CCZ1B: variants seen among roughly 807,000 people sequenced by gnomAD.
CCZ1B encodes the protein CCZ1B vacuolar protein trafficking and biogenesis associated, also known as vacuolar fusion protein CCZ1 homolog B.
In CCZ1B, 25 loss-of-function variants were observed where a neutral mutation model predicts 58.8. That is an observed-to-expected ratio of 0.43 (90% confidence interval 0.31 to 0.59). CCZ1B has a LOEUF of 0.59. CCZ1B is among the 20% of genes least tolerant of loss of function. CCZ1B has a pLI of 0.12. For synonymous variants in CCZ1B, 66 were observed against 173.2 expected (o/e 0.38, Z 4.86); for missense variants, 180 against 501.5 (o/e 0.36, Z 6.12).
intron 7 of CCZ1B, 46 bp downstream of exon 7, chr7:6,819,720 T>G (rs1783077353): frequency 3.5e-6 from 4 of 1,150,896 alleles, no homozygotes; most frequent in Non-Finnish European, 4.9e-6. Context: ...GCTGTTTTTA[T>G]TATCTTAATT....
intron 7 of CCZ1B, among the ~76,000 whole-genome samples, chr7:6,817,732 A>T (rs570215008): frequency 6.7e-6 from 1 of 149,856 alleles, no homozygotes; most frequent in Non-Finnish European, 1.5e-5. Context: ...AAGTAGGTGG[A>T]GGCCGGGCAC....
Position 6,820,024 on chromosome 7 carries a change from C to G in CCZ1B, c.523-83G>C, listed in dbSNP as rs535052034. On this transcript the variant is annotated intron_variant, in intron 6 of 14. Coordinates refer to ENST00000316731, the MANE Select transcript of CCZ1B (RefSeq NM_198097.5). ...TTGATAACTGAAAATAATCTTATGT[C>G]AGACTCACATTTATGGTACAATTAC... 47 of 1,262,712 alleles carry G rather than the reference C, an allele frequency of 3.7e-5. No homozygotes were observed. The Admixed American group carries it at 5.0e-4, about 13-fold the overall frequency. 78.2% of individuals were successfully genotyped at this position (1,262,712 alleles called of 1,614,324 possible).
rs779932340 is a variant in CCZ1B, at chr7:6,824,653, C to T, written c.205G>A (p.Val69Ile). The T allele has an allele frequency of 6.2e-7, 1 of 1,612,148 alleles. No individual in the cohort carries two copies. The highest frequency in any genetic ancestry group is 1.1e-5 in the South Asian group (1 of 90,964). Residue 69 changes from valine to isoleucine, a missense_variant, in exon 2 of 15, where the codon GTA becomes ATA. Transcript: ENST00000316731. ...IRNVGLCEAI[V>I]QFTRTFSPSK... ...TAGAGGTATTACCTTGTAAACTGTA[C>T]AATAGCTTCACACAATCCGACATTT...
chr7:6,809,846 C>T (rs1782892266), intron 10 of CCZ1B, among the ~76,000 whole-genome samples: 1 of 144,982 alleles, frequency 6.9e-6, no homozygotes, highest in Admixed American at 7.0e-5. Context: ...AGAGCCTTAT[C>T]ACCCCAAGAT....
chr7:6,824,800 C>T lies in CCZ1B; in HGVS notation c.121-63G>A, dbSNP rs904073648. 14 of 1,486,512 alleles carry T rather than the reference C, an allele frequency of 9.4e-6. No homozygotes were observed. In the African/African-American group the frequency reaches 1.2e-4, roughly 13 times the overall value. 92.1% of individuals were successfully genotyped at this position (1,486,512 alleles called of 1,614,324 possible). On this transcript the variant is annotated intron_variant, in intron 1 of 14. Coordinates refer to ENST00000316731, the MANE Select transcript of CCZ1B (RefSeq NM_198097.5). Reference sequence around the variant, plus strand: ...AACATTTCATCTTAGCTATTGAAAACGCTAAGTTCAATGTCGACCTCTTGT... The same window carrying T: ...AACATTTCATCTTAGCTATTGAAAATGCTAAGTTCAATGTCGACCTCTTGT...
chr7:6,818,841 G>T lies in CCZ1B; in HGVS notation c.698+925C>A, dbSNP rs1490214181. On this transcript the variant is annotated intron_variant, in intron 7 of 14. Coordinates refer to ENST00000316731, the MANE Select transcript of CCZ1B (RefSeq NM_198097.5). ...CTCTAGGCCAAATGTGCACAACCTC[G>T]GTTGCCACCCAGCTCTCAGGGGTCA... Among the ~76,000 whole-genome samples the T allele has an allele frequency of 4.7e-5, 7 of 148,780 alleles. No homozygotes were observed. The East Asian group carries it at 1.4e-3, about 29-fold the overall frequency.
chr7:6,812,438 G>A (rs1782930407), intron 9 of CCZ1B: 1 of 289,802 alleles, frequency 3.5e-6, no homozygotes, highest in African/African-American at 2.6e-5. Flanking sequence ...GCAGTGAGCT[G>A]AGATCGTGCC....
chr7:6,824,237 A>T (rs1783159679), intron 3 of CCZ1B, 71 bp from the exon 4 acceptor site: 3 of 1,550,582 alleles, frequency 1.9e-6, no homozygotes, highest in Middle Eastern at 1.8e-4. Context: ...TTAATTTAAA[A>T]ACTTTGAACA....
intron 7 of CCZ1B, among the ~76,000 whole-genome samples, chr7:6,815,761 GA>G (rs761894411): frequency 5.4e-5 from 8 of 148,050 alleles, no homozygotes; most frequent in East Asian, 1.9e-4. Context: ...CATTTGAGAT[GA>G]AAAAAAAAGT....
At chr7:6,808,369 CAAAAACCA>C (rs1344832761) in intron 10 of CCZ1B, among the ~76,000 whole-genome samples, 6 of 101,750 alleles carry the variant, frequency 5.9e-5, no homozygotes, top group African/African-American at 2.0e-4. Flanking sequence ...GACTCCATCT[CAAAAACCA>C]AAAAACCAAA....
In CCZ1B at chr7:6,820,777, C is replaced by T. The variant is rs1399246970; in HGVS notation, c.523-836G>A. Among the ~76,000 whole-genome samples the T allele has an allele frequency of 1.5e-4, 23 of 148,558 alleles. 1 individual carries two copies. Among genetic ancestry groups the T allele is most frequent in the East Asian group, 7.9e-4 (4 of 5,056 alleles). ...TCTCTAATAAAATTACAACATTAGC[C>T]GGGCGTGGTAGCCTGTAATCCCAAC... On this transcript the variant is annotated intron_variant, in intron 6 of 14. Transcript: ENST00000316731.
At chr7:6,819,380 CAT>C (rs2115125709) in intron 7 of CCZ1B, among the ~76,000 whole-genome samples, 1 of 148,042 alleles carries the variant, frequency 6.8e-6, no homozygotes, top group South Asian at 2.1e-4. Flanking sequence ...GGATTACAGG[CAT>C]GCACCACCAC....
At chr7:6,804,111 A>C (rs1219726261) in intron 12 of CCZ1B, among the ~76,000 whole-genome samples, 1 of 151,022 alleles carries the variant, frequency 6.6e-6, no homozygotes, top group African/African-American at 2.4e-5. Flanking sequence ...TCACTTTATA[A>C]TAACTATTTT....
intron 7 of CCZ1B, among the ~76,000 whole-genome samples, chr7:6,818,320 A>G (rs992194380): frequency 1.3e-5 from 2 of 149,494 alleles, no homozygotes; most frequent in Non-Finnish European, 3.0e-5. Context: ...AGGCCAATGC[A>G]GGCGAATCAC....
At chr7:6,818,667 CAGAAAGAAAGA>C (rs1783054641) in intron 7 of CCZ1B, among the ~76,000 whole-genome samples, 2 of 73,896 alleles carry the variant, frequency 2.7e-5, no homozygotes, top group African/African-American at 9.6e-5. Flanking sequence ...GAAAGACAGA[CAGAAAGAAAGA>C]AAGAAAGAAA....
At chr7:6,811,031 T>A (rs1208318042) in intron 10 of CCZ1B, among the ~76,000 whole-genome samples, 1 of 151,572 alleles carries the variant, frequency 6.6e-6, no homozygotes, top group Non-Finnish European at 1.5e-5. Context: ...ACTGTTTCCT[T>A]TCTTTAAACA....
intron 6 of CCZ1B, among the ~76,000 whole-genome samples, chr7:6,820,732 G>A (rs537211510): frequency 6.7e-6 from 1 of 148,748 alleles, no homozygotes; most frequent in African/African-American, 2.5e-5. Flanking sequence ...GACCAGCCTC[G>A]CCAACATGGC....
intron 12 of CCZ1B, among the ~76,000 whole-genome samples, chr7:6,801,824 TTGG>T: frequency 9.8e-6 from 1 of 101,894 alleles, no homozygotes; most frequent in Middle Eastern, 4.9e-3. Context: ...TCCACCCGCC[TTGG>T]CCTCCCAAAG....
At chr7:6,812,668 A>G (rs1406218122) in intron 9 of CCZ1B, among the ~76,000 whole-genome samples, 4 of 152,246 alleles carry the variant, frequency 2.6e-5, no homozygotes, top group Non-Finnish European at 5.9e-5. Context: ...CACACCTGTA[A>G]TCCCAGCACT....
Sources: allele counts gnomAD v4.1 joint callset (sites outside exome capture counted in the v4.1 genomes callset), GRCh38; gene constraint gnomAD v4.1.1; transcripts MANE v1.5; gene names NCBI Gene and HGNC (gene_info 2026-07-23, HGNC 2026-07-21).